Variants in C22orf31 observed in about 807,000 individuals in gnomAD.
C22orf31 encodes uncharacterized protein C22orf31.
Under a neutral mutation model 15.0 loss-of-function variants are expected in C22orf31, and 11 were observed. The ratio of observed to expected loss-of-function variants is 0.73; its 90% confidence interval spans 0.46 to 1.21. The LOEUF is 1.21. C22orf31 is among the 50% of genes most tolerant of loss of function. The probability of loss-of-function intolerance (pLI) is 0.00; values close to 1 mark genes in which losing one functional copy is unlikely to be tolerated. For missense variants in C22orf31, 340 were observed against 347.2 expected (o/e 0.98, Z 0.17); for synonymous variants, 132 against 133.3 (o/e 0.99, Z 0.07).
At chr22:29,073,943 C>T in the C22orf31 span, among the ~76,000 whole-genome samples, 1 of 152,140 alleles carries the variant, frequency 6.6e-6, no homozygotes. This position sits in a 1 kb window ranked among gnomAD's most constrained non-coding sequence, Gnocchi z 4.4. Flanking sequence ...CCAGCGACAT[C>T]CCTCCCCTGG....
At chr22:29,069,437 G>A in the C22orf31 span, among the ~76,000 whole-genome samples, 1 of 152,092 alleles carries the variant, frequency 6.6e-6, no homozygotes, top group Non-Finnish European at 1.5e-5. Context: ...GGCCAATCCT[G>A]CTGCCCTCGG....
the C22orf31 span, among the ~76,000 whole-genome samples, chr22:29,066,867 T>G: frequency 2.7e-4 from 41 of 152,132 alleles, 1 homozygote; most frequent in East Asian, 4.1e-3. Flanking sequence ...AGCCAACGCC[T>G]CCTCAATGCT....
chr22:29,059,859 A>G, intron 2 of C22orf31: 1 of 985,222 alleles, frequency 1.0e-6, no homozygotes, highest in Non-Finnish European at 1.2e-6. Context: ...GTGCTTATGA[A>G]AGCCACCTCA....
rs1287746315 is a variant in C22orf31 at position 29,060,819 on chromosome 22, G to C, written c.28C>G (p.Pro10Ala). Reference protein sequence around the residue: MHPINVRRDPSIPIYGLRQS... With the variant: MHPINVRRDASIPIYGLRQS... ...CGGAGTCCATAGATAGGGATGCTGG[G>C]GTCTCGTCTCACATTGATTGGGTGC... is the stretch of plus-strand genomic sequence containing the variant. The change falls in exon 2 of 3, where the codon CCC becomes GCC. Residue 10 changes from proline (P) to alanine (A), a missense_variant. Coordinates refer to ENST00000216071, the MANE Select transcript of C22orf31 (RefSeq NM_015370.2). The C allele has an allele frequency of 1.2e-6, 2 of 1,613,698 alleles. No individual in the cohort carries two copies. The highest frequency in any genetic ancestry group is 4.5e-5 in the East Asian group (2 of 44,870).
At chr22:29,072,299 T>A in the C22orf31 span, among the ~76,000 whole-genome samples, 1 of 151,988 alleles carries the variant, frequency 6.6e-6, no homozygotes, top group Non-Finnish European at 1.5e-5. Flanking sequence ...GTTATTTATT[T>A]TTTTCTTGTA....
the C22orf31 span, among the ~76,000 whole-genome samples, chr22:29,066,850 C>G: frequency 6.6e-6 from 1 of 152,020 alleles, no homozygotes; most frequent in Non-Finnish European, 1.5e-5. Flanking sequence ...CGGGAGCCAC[C>G]GCGCCCAGCC....
At chr22:29,071,481 G>A in the C22orf31 span, among the ~76,000 whole-genome samples, 3 of 152,160 alleles carry the variant, frequency 2.0e-5, no homozygotes, top group African/African-American at 4.8e-5. Flanking sequence ...AGGGGCGAGT[G>A]TACCCAAGGC....
chr22:29,072,326 G>C, the C22orf31 span, among the ~76,000 whole-genome samples: 1 of 151,990 alleles, frequency 6.6e-6, no homozygotes, highest in Non-Finnish European at 1.5e-5. Context: ...GGGTCTCGCT[G>C]TGTTGCCCAG....
chr22:29,072,886 C>A, the C22orf31 span, among the ~76,000 whole-genome samples: 23 of 152,028 alleles, frequency 1.5e-4, no homozygotes, highest in Non-Finnish European at 2.9e-4. Context: ...GCAGGAGCAG[C>A]GCGCGGCCGG....
chr22:29,059,590 G>A, intron 2 of C22orf31: 2 of 584,452 alleles, frequency 3.4e-6, no homozygotes, highest in Non-Finnish European at 4.3e-6. Flanking sequence ...TAATATCAAG[G>A]CACAAAGAAA....
chr22:29,071,881 C>A, the C22orf31 span, among the ~76,000 whole-genome samples: 1 of 152,224 alleles, frequency 6.6e-6, no homozygotes, highest in Non-Finnish European at 1.5e-5. Flanking sequence ...CTGTCTCATC[C>A]ATTTCTGGAC....
chr22:29,061,945 A>G (rs1415390059), upstream of C22orf31: 1 of 603,286 alleles, frequency 1.7e-6, no homozygotes, highest in Non-Finnish European at 2.9e-6. Context: ...ATATGGGCAA[A>G]TTGCTGTTTG....
upstream of C22orf31, among the ~76,000 whole-genome samples, chr22:29,063,262 T>C (rs1339762383): frequency 6.6e-6 from 1 of 151,802 alleles, no homozygotes. Context: ...CTTCCTGGGG[T>C]TCAAGCAATT....
At chr22:29,073,341 T>G in the C22orf31 span, 1 of 270,914 alleles carries the variant, frequency 3.7e-6, no homozygotes, top group Middle Eastern at 1.5e-3. This position sits in a 1 kb window ranked among gnomAD's most constrained non-coding sequence, Gnocchi z 4.4. Context: ...TCCGGGCCCC[T>G]TCCCCTCGCC....
rs1455866103 is a variant in C22orf31, at chr22:29,060,746, G to A, written c.101C>T (p.Ser34Leu). 8 of 1,614,014 alleles carry A rather than the reference G, an allele frequency of 5.0e-6. No homozygotes were observed. In the African/African-American group the frequency reaches 5.3e-5, roughly 11 times the overall value. ...NTRLQDCYVD[S>L]PALTNIWMAR... ...CATCCAGATGTTGGTGAGAGCCGGT[G>A]AGTCCACATAGCAGTCCTGAAGCCT... The change falls in exon 2 of 3, where the codon TCA becomes TTA. Residue 34 changes from serine to leucine, a missense_variant. Ser to Leu is a moderately radical substitution (Grantham distance 145, BLOSUM62 -2). Transcript: ENST00000216071.
chr22:29,061,765 A>T, intron 1 of C22orf31, 25 bp downstream of exon 1: 2 of 1,509,380 alleles, frequency 1.3e-6, no homozygotes, highest in East Asian at 2.3e-5. Flanking sequence ...AAGAAATGTC[A>T]TCTATAGAAA....
the C22orf31 span, among the ~76,000 whole-genome samples, chr22:29,072,908 C>T: frequency 4.0e-5 from 6 of 151,186 alleles, no homozygotes; most frequent in African/African-American, 1.5e-4. Context: ...GCGGGGCGTG[C>T]GTGCGCAGTG....
At chr22:29,073,247 C>A in the C22orf31 span, 1 of 1,085,808 alleles carries the variant, frequency 9.2e-7, no homozygotes, top group Non-Finnish European at 1.2e-6. This position sits in a 1 kb window ranked among gnomAD's most constrained non-coding sequence, Gnocchi z 4.4. Context: ...AGCGACCCCC[C>A]GCCGCCCGCC....
chr22:29,069,555 A>G, the C22orf31 span, among the ~76,000 whole-genome samples: 1 of 152,134 alleles, frequency 6.6e-6, no homozygotes, highest in Admixed American at 6.5e-5. Context: ...CCATGAAATA[A>G]AGCTGCTAAA....
Sources: gnomAD v4.1 joint callset for allele counts (sites outside exome capture counted in the v4.1 genomes callset) on GRCh38, gnomAD v4.1.1 for gene constraint, Gnocchi (gnomAD v3.1) non-coding constraint, MANE v1.5 for transcripts, NCBI Gene and HGNC (gene_info 2026-07-23, HGNC 2026-07-21) for gene names.